Variants in TP53BP1 observed in about 807,000 individuals in gnomAD.
TP53BP1 encodes the protein tumor protein p53 binding protein 1.
Under a neutral mutation model 200.8 loss-of-function variants are expected in TP53BP1, and 61 were observed. That is an observed-to-expected ratio of 0.30 (90% CI 0.25 to 0.38). The LOEUF (loss-of-function observed/expected upper bound fraction) is 0.38, where lower values mean the gene tolerates loss of function less well. Ranked by LOEUF, TP53BP1 falls within the 10% of genes least tolerant of loss-of-function variation. TP53BP1 has a pLI of 1.00. For missense variants in TP53BP1, 2,144 were observed against 2,371.9 expected (o/e 0.90, Z 2.00); for synonymous variants, 822 against 844.3 (o/e 0.97, Z 0.46).
At chr15:43,407,844 G>C (rs2044964777) in intron 27 of TP53BP1, 99 bp downstream of exon 27, 2 of 1,245,938 alleles carry the variant, frequency 1.6e-6, no homozygotes, top group East Asian at 4.7e-5. Flanking sequence ...CATGGATACG[G>C]TCAACCTATT....
chr15:43,488,450 C>G (rs892809493), intron 4 of TP53BP1, among the ~76,000 whole-genome samples: 29 of 152,134 alleles, frequency 1.9e-4, no homozygotes, highest in Non-Finnish European at 3.8e-4. Context: ...TATAAAAGGG[C>G]AACAATAAAC....
At chr15:43,506,489 C>T (rs934089939) in intron 1 of TP53BP1, among the ~76,000 whole-genome samples, 3 of 152,200 alleles carry the variant, frequency 2.0e-5, no homozygotes, top group African/African-American at 7.2e-5. Context: ...AAGGAAACAG[C>T]CTATAATAGT....
At chr15:43,482,056 T>G (rs1222329004) in intron 4 of TP53BP1, among the ~76,000 whole-genome samples, 1 of 149,708 alleles carries the variant, frequency 6.7e-6, no homozygotes, top group African/African-American at 2.5e-5. Context: ...TGAAACCCCA[T>G]CTCTACTAAA....
In TP53BP1 at chr15:43,403,804, G is replaced by A. The variant is rs1376816910; in HGVS notation, c.*3579C>T. On this transcript the variant is annotated 3_prime_UTR_variant, in exon 28 of 28. Coordinates refer to ENST00000382044, the MANE Select transcript of TP53BP1 (RefSeq NM_001141980.3). The stretch of plus-strand genomic sequence containing the variant: ...CAGCTGAGCATTCTCGTGAAGGTGC[G>A]TCTGCCTGGAAGTATGCAGCCTTGC... 7 of 1,608,724 alleles carry A rather than the reference G, an allele frequency of 4.4e-6. No homozygotes were observed. The highest frequency in any genetic ancestry group is 1.7e-5 in the Admixed American group (1 of 60,000).
At chr15:43,420,169 A>G in intron 21 of TP53BP1, 136 bp downstream of exon 21, 1 of 867,770 alleles carries the variant, frequency 1.2e-6, no homozygotes, top group Non-Finnish European at 1.8e-6. Context: ...AGAGTAACCA[A>G]TTTTGTAGGA....
chr15:43,434,595 A>G (rs979235034), intron 16 of TP53BP1, among the ~76,000 whole-genome samples: 1 of 151,014 alleles, frequency 6.6e-6, no homozygotes, highest in African/African-American at 2.5e-5. Context: ...GCCCTTATAA[A>G]AGAGACCTCA....
intron 11 of TP53BP1, among the ~76,000 whole-genome samples, chr15:43,460,589 G>A (rs1441825298): frequency 6.6e-6 from 1 of 152,082 alleles, no homozygotes; most frequent in Non-Finnish European, 1.5e-5. Flanking sequence ...AGGGAATGAG[G>A]AATCAAATGG....
At position 43,432,665 on chromosome 15, in the gene TP53BP1, G is replaced by T; in HGVS notation, c.3204C>A (p.Leu1068=). ...CTTCTCCTTGAGAACTTGGAAAGTGGAGCAAGTTCCCCCTGAAAATGCAAC... is the reference window on the plus strand; with the variant it reads ...CTTCTCCTTGAGAACTTGGAAAGTGTAGCAAGTTCCCCCTGAAAATGCAAC... ...PPTTPIRGNL[L]HFPSSQGEEE... is the part of the protein sequence containing the mutation. Residue 1068 remains leucine, a synonymous_variant, in exon 17 of 28, where the codon CTC becomes CTA. Transcript: ENST00000382044. 6.2e-7 allele frequency: 1 copy of T among 1,601,678 alleles called. No individual in the cohort carries two copies. Among genetic ancestry groups the T allele is most frequent in the Non-Finnish European group, 8.5e-7 (1 of 1,172,850 alleles).
chr15:43,425,433 G>A (rs1566925005), intron 18 of TP53BP1, among the ~76,000 whole-genome samples: 1 of 152,132 alleles, frequency 6.6e-6, no homozygotes, highest in Non-Finnish European at 1.5e-5. Context: ...ACCAGTCTGG[G>A]CAACACAGTG....
chr15:43,432,050 G>GAT, intron 17 of TP53BP1, 144 bp downstream of exon 17: 2 of 1,149,784 alleles, frequency 1.7e-6, no homozygotes, highest in Non-Finnish European at 1.2e-6. Flanking sequence ...CTGTATCTTA[G>GAT]AAAAGTTGTT....
Position 43,409,700 on chromosome 15 carries a change from A to G in TP53BP1, c.5347T>C (p.Ser1783Pro). Residue 1783 changes from serine (S) to proline (P), a missense_variant, in exon 25 of 28, where the codon TCC becomes CCC. By Grantham distance (74) the Ser-to-Pro change is moderately conservative. Coordinates refer to ENST00000382044, the MANE Select transcript of TP53BP1 (RefSeq NM_001141980.3). ...IPPFNKQYTESQLRAGAGYIL... is the reference protein window; with the variant it reads ...IPPFNKQYTEPQLRAGAGYIL... ...TAGCCAGCTCCTGCTCGAAGCTGGGATTCTGTATACTGCTTGTTGAAAGGA... is the reference window on the plus strand; with the variant it reads ...TAGCCAGCTCCTGCTCGAAGCTGGGGTTCTGTATACTGCTTGTTGAAAGGA... 6.3e-7 allele frequency: 1 copy of G among 1,575,610 alleles called. No homozygotes were observed. The highest frequency in any genetic ancestry group is 1.4e-5 in the African/African-American group (1 of 72,588).
chr15:43,422,569 G>C (rs2045429737), intron 18 of TP53BP1, among the ~76,000 whole-genome samples: 1 of 152,208 alleles, frequency 6.6e-6, no homozygotes, highest in Non-Finnish European at 1.5e-5. Flanking sequence ...GCAGGTGAGA[G>C]GAGAAAATGA....
rs148346206 is a variant in TP53BP1, at chr15:43,464,067, C to T, written c.1389+5791G>A. ...TGGGACTCCCAATAAAATGTCTCAGCGGATCACATTACAGCAAATCCCAAA... is the reference window on the plus strand; with the variant it reads ...TGGGACTCCCAATAAAATGTCTCAGTGGATCACATTACAGCAAATCCCAAA... On this transcript the variant is annotated intron_variant, in intron 11 of 27. Transcript: ENST00000382044. Among the ~76,000 whole-genome samples the T allele has an allele frequency of 5.3e-5, 8 of 152,234 alleles. No individual in the cohort carries two copies. The East Asian group carries it at 9.7e-4, about 18-fold the overall frequency.
At chr15:43,454,529 A>AT (rs2046249378) in intron 12 of TP53BP1, among the ~76,000 whole-genome samples, 1 of 150,648 alleles carries the variant, frequency 6.6e-6, no homozygotes, top group Non-Finnish European at 1.5e-5. Context: ...ACTCCTGGCT[A>AT]ATTTTGTGTT....
intron 10 of TP53BP1, among the ~76,000 whole-genome samples, chr15:43,470,670 A>G (rs2140094743): frequency 6.6e-6 from 1 of 152,318 alleles, no homozygotes; most frequent in East Asian, 1.9e-4. Context: ...GAGGGAACAC[A>G]CACACACAAA....
rs1196166818 is a variant in TP53BP1, at chr15:43,455,952, C to A, written c.2656G>T (p.Ala886Ser). Residue 886 changes from alanine (A) to serine (S), a missense_variant, in exon 12 of 28, where the codon GCC becomes TCC. Ala to Ser is a moderately conservative substitution (Grantham distance 99). Coordinates refer to ENST00000382044, the MANE Select transcript of TP53BP1 (RefSeq NM_001141980.3). The part of the protein sequence containing the change: ...NAKQLSSDAE[A>S]QKLGKPSAHA... ...GCAGAGGGCTTCCCCAGCTTCTGGG[C>A]CTCTGCATCTGAGCTTAGCTGCTTT... 1 of 1,614,052 alleles carries A rather than the reference C, an allele frequency of 6.2e-7. No individual in the cohort carries two copies. Among genetic ancestry groups the A allele is most frequent in the Admixed American group, 1.7e-5 (1 of 59,990 alleles).
At chr15:43,461,260 C>T (rs1211115721) in intron 11 of TP53BP1, among the ~76,000 whole-genome samples, 1 of 151,636 alleles carries the variant, frequency 6.6e-6, no homozygotes, top group Non-Finnish European at 1.5e-5. Flanking sequence ...TGCTCTGTTG[C>T]CCAGGCTGGA....
At chr15:43,422,908 T>A (rs1477074153) in intron 18 of TP53BP1, among the ~76,000 whole-genome samples, 4 of 151,652 alleles carry the variant, frequency 2.6e-5, no homozygotes, top group Admixed American at 2.0e-4. Context: ...GGTGGGAGGA[T>A]CACTTGAGCT....
At chr15:43,421,488 T>A (rs2045396710) in intron 19 of TP53BP1, among the ~76,000 whole-genome samples, 1 of 152,166 alleles carries the variant, frequency 6.6e-6, no homozygotes, top group South Asian at 2.1e-4. Context: ...CTGCAAAGAA[T>A]AACAAAAAGC....
Sources: allele counts gnomAD v4.1 joint callset (sites outside exome capture counted in the v4.1 genomes callset), GRCh38; gene constraint gnomAD v4.1.1; transcripts MANE v1.5; gene names NCBI Gene and HGNC (gene_info 2026-07-23, HGNC 2026-07-21).